The following ANKHD1 variants were observed in gnomAD, a reference collection of about 807,000 sequenced individuals.
ANKHD1 encodes ankyrin repeat and KH domain-containing protein 1.
In ANKHD1, 31 loss-of-function variants were observed where a neutral mutation model predicts 230.5. The ratio of observed to expected loss-of-function variants is 0.13; its 90% CI spans 0.10 to 0.18. The LOEUF is 0.18. Among genes scored for constraint, ANKHD1 ranks in the 10% least tolerant of loss-of-function variants. The pLI is 1.00. For missense variants in ANKHD1, 2,256 were observed against 3,071.3 expected (o/e 0.73, Z 6.27); for synonymous variants, 1,074 against 1,117.6 (o/e 0.96, Z 0.78).
intron 9 of ANKHD1, among the ~76,000 whole-genome samples, chr5:140,459,752 ATTAT>A (rs1400438705): frequency 2.0e-5 from 3 of 152,172 alleles, no homozygotes; most frequent in East Asian, 1.9e-4. Context: ...ATATACAATT[ATTAT>A]TTGTCAATTA....
chr5:140,439,615 A>C (rs1460617941), intron 3 of ANKHD1, among the ~76,000 whole-genome samples: 3 of 152,174 alleles, frequency 2.0e-5, no homozygotes, highest in Non-Finnish European at 4.4e-5. Flanking sequence ...GGTTGCAGTG[A>C]GCCAAGATTG....
chr5:140,515,984 G>A (rs1581362617), intron 24 of ANKHD1, among the ~76,000 whole-genome samples: 2 of 152,166 alleles, frequency 1.3e-5, no homozygotes, highest in Admixed American at 1.3e-4. Context: ...GGCCTCAGAC[G>A]ATCAAATTAC....
chr5:140,434,937 G>GA (rs1389037396), intron 1 of ANKHD1, among the ~76,000 whole-genome samples: 2 of 152,052 alleles, frequency 1.3e-5, no homozygotes, highest in Non-Finnish European at 2.9e-5. Context: ...TTGCTTCCCA[G>GA]AAGGGTTGTA....
At chr5:140,474,598 CT>C (rs771180811) in intron 10 of ANKHD1, among the ~76,000 whole-genome samples, 2,243 of 120,712 alleles carry the variant, frequency 0.019, 15 homozygotes, top group African/African-American at 0.048. Flanking sequence ...TTTTTTTCTT[CT>C]TTTTTTTTTT....
Position 140,440,176 on chromosome 5 carries a change from A to G in ANKHD1, c.675A>G (p.Leu225=), listed in dbSNP as rs1773749396. 2 of 1,613,490 alleles carry G rather than the reference A, an allele frequency of 1.2e-6. No individual in the cohort carries two copies. The highest frequency in any genetic ancestry group is 1.7e-6 in the Non-Finnish European group (2 of 1,179,636). The change falls in exon 4 of 34, where the codon CTA becomes CTG. Residue 225 remains leucine, a synonymous_variant. Coordinates refer to ENST00000360839, the MANE Select transcript of ANKHD1 (RefSeq NM_017747.3). ...DGDVNAVRKL[L]DEGRSVNEHT... is the part of the protein sequence containing the mutation. ...ATGTTAATGCTGTTCGTAAATTGCT[A>G]GATGAAGGCAGAAGTGTAAATGAAC...
chr5:140,520,976 A>C (rs1753325451), intron 24 of ANKHD1, among the ~76,000 whole-genome samples: 1 of 151,890 alleles, frequency 6.6e-6, no homozygotes, highest in South Asian at 2.1e-4. Context: ...TGTGTGCTGT[A>C]ATGGAAAAAT....
In ANKHD1 at chr5:140,496,670, C is replaced by T. The variant is rs754669508; in HGVS notation, c.2396C>T (p.Ala799Val). 12 of 1,613,708 alleles carry T rather than the reference C, an allele frequency of 7.4e-6. No homozygotes were observed. The highest frequency in any genetic ancestry group is 1.6e-4 in the Middle Eastern group (1 of 6,062). Residue 799 changes from alanine (A) to valine (V), a missense_variant, in exon 15 of 34, where the codon GCA (alanine) becomes GTA (valine). Transcript: ENST00000360839. ...CAAAGAATTAGTGCTATTGAAAAAG[C>T]ACAGCTTAAGTCACTGGAGTTAATT... ...LGQRISAIEK[A>V]QLKSLELIQG...
chr5:140,490,635 A>G (rs1165111828), intron 14 of ANKHD1, among the ~76,000 whole-genome samples: 1 of 152,226 alleles, frequency 6.6e-6, no homozygotes. Context: ...AGTAATGTAA[A>G]TCCGTTGCCT....
At chr5:140,501,127 C>T (rs1752285437) in intron 15 of ANKHD1, among the ~76,000 whole-genome samples, 1 of 144,452 alleles carries the variant, frequency 6.9e-6, no homozygotes. Context: ...GACGGAGTCT[C>T]ACACTGTCAC....
intron 1 of ANKHD1, among the ~76,000 whole-genome samples, chr5:140,414,452 G>C (rs904680430): frequency 1.3e-5 from 2 of 152,130 alleles, no homozygotes; most frequent in African/African-American, 4.8e-5. Flanking sequence ...ATGATTAGTA[G>C]TGTTAAGCAT....
At chr5:140,441,241 T>A (rs1561725945) in intron 5 of ANKHD1, 99 bp downstream of exon 5, 1 of 1,362,036 alleles carries the variant, frequency 7.3e-7, no homozygotes, top group East Asian at 2.8e-5. Context: ...AGTATAAACC[T>A]ACAGAAAAAT....
chr5:140,437,610 G>A (rs1478665014), intron 2 of ANKHD1, among the ~76,000 whole-genome samples: 1 of 152,216 alleles, frequency 6.6e-6, no homozygotes, highest in Non-Finnish European at 1.5e-5. Flanking sequence ...AGAGGCTGAG[G>A]CAGGAGAATC....
chr5:140,446,101 T>C, intron 6 of ANKHD1, 126 bp downstream of exon 6: 1 of 936,302 alleles, frequency 1.1e-6, no homozygotes, highest in Non-Finnish European at 1.4e-6. Context: ...ATCTAGTTTA[T>C]AAGAAATTAT....
intron 9 of ANKHD1, among the ~76,000 whole-genome samples, chr5:140,459,781 TTAAA>T (rs1308199724): frequency 2.6e-5 from 4 of 152,116 alleles, no homozygotes; most frequent in African/African-American, 7.2e-5. Context: ...TAAAATTAAA[TTAAA>T]TAATTAAAAA....
chr5:140,426,595 C>T (rs1985628), intron 1 of ANKHD1, among the ~76,000 whole-genome samples: 101,580 of 151,470 alleles, frequency 0.67, 34,476 homozygotes, highest in East Asian at 0.84. Context: ...AGGACAATAG[C>T]GGAGGGAAGG....
At chr5:140,487,909 G>A (rs1449344123) in intron 14 of ANKHD1, among the ~76,000 whole-genome samples, 11 of 152,190 alleles carry the variant, frequency 7.2e-5, no homozygotes, top group Admixed American at 2.6e-4. Flanking sequence ...AAAAGTTGGT[G>A]TGGGTTGACT....
In ANKHD1 at chr5:140,449,242, A is replaced by T. The variant is rs887291683; in HGVS notation, c.1179A>T (p.Glu393Asp). Residue 393 changes from glutamate to aspartate, a missense_variant, in exon 7 of 34, where the codon GAA (glutamate) becomes GAT (aspartate). Around this residue, in one of 13 missense-constraint regions of ANKHD1, gnomAD observed 9 missense variants for 38.9 expected, o/e 0.23. Transcript: ENST00000360839. ...TGGATATGGTTCGCTTTCTACTTGA[A>T]GCTGGTGCAGATCAAGAGCACAAAA... ...GHLDMVRFLL[E>D]AGADQEHKTD... The T allele has an allele frequency of 4.3e-6, 7 of 1,613,734 alleles. No homozygotes were observed. Among genetic ancestry groups the T allele is most frequent in the Non-Finnish European group, 5.9e-6 (7 of 1,179,794 alleles).
chr5:140,484,439 A>G (rs950602696), intron 11 of ANKHD1, among the ~76,000 whole-genome samples: 6 of 152,208 alleles, frequency 3.9e-5, no homozygotes, highest in Admixed American at 2.6e-4. Flanking sequence ...TTCAGATAAC[A>G]TATCTGGATA....
chr5:140,513,181 A>G (rs1468624465), intron 23 of ANKHD1, among the ~76,000 whole-genome samples, 182 bp from the exon 24 acceptor site: 1 of 152,224 alleles, frequency 6.6e-6, no homozygotes, highest in African/African-American at 2.4e-5. Flanking sequence ...TCCTAAGGAC[A>G]TGCAGGTTTT....
Sources: allele counts gnomAD v4.1 joint callset (sites outside exome capture counted in the v4.1 genomes callset), GRCh38; gene constraint gnomAD v4.1.1; regional missense constraint gnomAD v4.1.1; transcripts MANE v1.5; gene names NCBI Gene and HGNC (gene_info 2026-07-23, HGNC 2026-07-21).